Variants in OR52N5 observed in about 807,000 individuals in gnomAD.
OR52N5 encodes the protein olfactory receptor family 52 subfamily N member 5.
Under a neutral mutation model 14.1 loss-of-function variants are expected in OR52N5, and 10 were observed. That is an observed-to-expected ratio of 0.71 (90% CI 0.44 to 1.20). The LOEUF is 1.20. OR52N5 is among the 50% of genes most tolerant of loss of function. The pLI is 0.00. For synonymous variants in OR52N5, 116 were observed against 143.0 expected (o/e 0.81, Z 1.35); for missense variants, 361 against 403.2 (o/e 0.90, Z 0.90).
intron 2 of OR52N5, among the ~76,000 whole-genome samples, chr11:5,779,376 A>T (rs531586330): frequency 7.1e-6 from 1 of 140,142 alleles, no homozygotes; most frequent in Non-Finnish European, 1.6e-5. Flanking sequence ...ACTAATGACC[A>T]TAAATGTCAA....
At position 5,776,279 on chromosome 11, in the gene OR52N5, G is replaced by A. The variant is rs896989795; in HGVS notation, c.*1381C>T. ...ATGGGAAATGAAATAACTAACAAAT[G>A]AAGCATGAATGAATGAATCAGTGAA... On this transcript the variant is annotated 3_prime_UTR_variant, in exon 3 of 3. Transcript: ENST00000641181. 2.0e-4 allele frequency: 28 copies of A among 139,914 alleles called. 2 individuals are homozygous for A. Among genetic ancestry groups the A allele is most frequent in the African/African-American group, 7.1e-4 (27 of 38,294 alleles). The allele number at this position is 139,914 out of a possible 1,614,324, so 8.7% of individuals were successfully genotyped here. A position where few individuals can be genotyped will look rare whatever the true frequency, so the allele number is the denominator to read the frequency against.
rs570821589 is a variant in OR52N5 at position 5,777,498 on chromosome 11, T to A, written c.*162A>T. On this transcript the variant is annotated 3_prime_UTR_variant, in exon 3 of 3. Coordinates refer to ENST00000641181, the MANE Select transcript of OR52N5 (RefSeq NM_001385662.1). Reference sequence around the variant, plus strand: ...TAAGGGAAAGGCACTGAGATATACATCCAGAATGGGCTATAAATTTCCCCA... The same window carrying A: ...TAAGGGAAAGGCACTGAGATATACAACCAGAATGGGCTATAAATTTCCCCA... 2.7e-4 allele frequency: 137 copies of A among 509,142 alleles called. 14 individuals are homozygous for A. In the South Asian group the frequency reaches 5.1e-3, roughly 19 times the overall value. 31.5% of individuals were successfully genotyped at this position (509,142 alleles called of 1,614,324 possible). A position where few individuals can be genotyped will look rare whatever the true frequency, so the allele number is the denominator to read the frequency against.
In OR52N5 at chr11:5,778,031, T is replaced by C. The variant is rs1463159048; in HGVS notation, c.604A>G (p.Lys202Glu). ...SVVKLSCASI[K>E]VNVIYGLMVA... is the part of the protein sequence containing the mutation. ...ATTAGACCATAGATTACATTGACCT[T>C]GATGCTGGCACAAGATAGCTTTACT... Residue 202 changes from lysine to glutamate, a missense_variant, in exon 3 of 3, where the codon AAG (lysine) becomes GAG (glutamate). Lys to Glu is a moderately conservative substitution (Grantham distance 56). Transcript: ENST00000641181. The C allele has an allele frequency of 2.6e-6, 4 of 1,521,244 alleles. No individual in the cohort carries two copies. Among genetic ancestry groups the C allele is most frequent in the Non-Finnish European group, 3.6e-6 (4 of 1,114,298 alleles). 94.2% of individuals were successfully genotyped at this position (1,521,244 alleles called of 1,614,324 possible).
Position 5,777,326 on chromosome 11 carries a change from C to T in OR52N5, c.*334G>A, listed in dbSNP as rs1197430646. 1 of 150,824 alleles carries T rather than the reference C, an allele frequency of 6.6e-6. No homozygotes were observed. Among genetic ancestry groups the T allele is most frequent in the South Asian group, 2.3e-4 (1 of 4,432 alleles). The allele number at this position is 150,824 out of a possible 1,614,324, so 9.3% of individuals were successfully genotyped here. ...TAAAAAAACACCATTCTACTTTTTA[C>T]TTCTATGAATTGAACTAGTTTTAGC... is the stretch of plus-strand genomic sequence containing the variant. On this transcript the variant is annotated 3_prime_UTR_variant, in exon 3 of 3. Coordinates refer to ENST00000641181, the MANE Select transcript of OR52N5 (RefSeq NM_001385662.1).
Position 5,777,498 on chromosome 11 carries a change from T to C in OR52N5, c.*162A>G. 3.9e-6 allele frequency: 2 copies of C among 509,142 alleles called. No homozygotes were observed. Among genetic ancestry groups the C allele is most frequent in the Non-Finnish European group, 6.3e-6 (2 of 316,584 alleles). The allele number at this position is 509,142 out of a possible 1,614,324, so 31.5% of individuals were successfully genotyped here. A position where few individuals can be genotyped will look rare whatever the true frequency, so the allele number is the denominator to read the frequency against. ...TAAGGGAAAGGCACTGAGATATACA[T>C]CCAGAATGGGCTATAAATTTCCCCA... On this transcript the variant is annotated 3_prime_UTR_variant, in exon 3 of 3. Coordinates refer to ENST00000641181, the MANE Select transcript of OR52N5 (RefSeq NM_001385662.1).
rs185237396 is a variant in OR52N5 at position 5,778,223 on chromosome 11, G to T, written c.412C>A (p.Pro138Thr). The T allele has an allele frequency of 1.4e-5, 22 of 1,519,558 alleles. 4 individuals are homozygous for T. Among genetic ancestry groups the T allele is most frequent in the Admixed American group, 1.8e-5 (1 of 55,444 alleles). The allele number at this position is 1,519,558 out of a possible 1,614,324, so 94.1% of individuals were successfully genotyped here. The change falls in exon 3 of 3, where the codon CCT becomes ACT. Residue 138 changes from proline (P) to threonine (T), a missense_variant. Physicochemically the swap from Pro to Thr is conservative, Grantham distance 38. Coordinates refer to ENST00000641181, the MANE Select transcript of OR52N5 (RefSeq NM_001385662.1). ...ALDRYVAICY[P>T]LRYATTLTNP... ...GTGAGTGTGGTAGCATAACGCAAAG[G>T]GTAGCAAATGGCTACATAGCGGTCT...
At chr11:5,782,559 T>C (rs1479747491) in intron 1 of OR52N5, among the ~76,000 whole-genome samples, 1 of 140,274 alleles carries the variant, frequency 7.1e-6, no homozygotes, top group African/African-American at 2.6e-5. Context: ...TTTTGTGCTG[T>C]CTACACTAAA....
chr11:5,778,308 C>A lies in OR52N5; in HGVS notation c.327G>T (p.Gln109His). 2.6e-6 allele frequency: 4 copies of A among 1,520,910 alleles called. 1 individual carries two copies. The highest frequency in any genetic ancestry group is 3.6e-6 in the Non-Finnish European group (4 of 1,114,594). 94.2% of individuals were successfully genotyped at this position (1,520,910 alleles called of 1,614,324 possible). ...KEINFNACLA[Q>H]MFFVHGFTGV... is the part of the protein sequence containing the mutation. Reference sequence around the variant, plus strand: ...CTGTGAACCCATGAACAAAGAACATCTGGGCCAAGCAAGCATTGAAGTTAA... The same window carrying A: ...CTGTGAACCCATGAACAAAGAACATATGGGCCAAGCAAGCATTGAAGTTAA... The change falls in exon 3 of 3, where the codon CAG becomes CAT. Residue 109 changes from glutamine (Q) to histidine (H), a missense_variant. By Grantham distance (24) the Gln-to-His change is conservative. Coordinates refer to ENST00000641181, the MANE Select transcript of OR52N5 (RefSeq NM_001385662.1).
In OR52N5 at chr11:5,778,277, C is replaced by A. The variant is rs1341893088; in HGVS notation, c.358G>T (p.Glu120Ter). Reference sequence around the variant, plus strand: ...GCCATGAGCATGAGCACCCCAGACTCCACACCTGTGAACCCATGAACAAAG... The same window carrying A: ...GCCATGAGCATGAGCACCCCAGACTACACACCTGTGAACCCATGAACAAAG... Reference protein sequence around the residue: ...MFFVHGFTGVESGVLMLMALD... With the variant: ...MFFVHGFTGV The change falls in exon 3 of 3, where the codon GAG becomes TAG. Residue 120 changes from glutamate to a stop codon, truncating the protein, a stop_gained. Coordinates refer to ENST00000641181, the MANE Select transcript of OR52N5 (RefSeq NM_001385662.1). LOFTEE classifies it high-confidence loss of function. 5.9e-6 allele frequency: 9 copies of A among 1,521,150 alleles called. 3 individuals carry two copies. The highest frequency in any genetic ancestry group is 8.1e-6 in the Non-Finnish European group (9 of 1,114,884). The allele number at this position is 1,521,150 out of a possible 1,614,324, so 94.2% of individuals were successfully genotyped here.
rs1854498340 is a variant in OR52N5, at chr11:5,776,932, G to A, written c.*728C>T. On this transcript the variant is annotated 3_prime_UTR_variant, in exon 3 of 3. Transcript: ENST00000641181. The stretch of plus-strand genomic sequence containing the variant: ...ATTTATATGTGGGAGCTAAAAAGGT[G>A]GATCTCAAGGAGATAGAGAGTAGAC... The A allele has an allele frequency of 7.2e-6, 1 of 139,322 alleles. No individual in the cohort carries two copies. Among genetic ancestry groups the A allele is most frequent in the Admixed American group, 7.5e-5 (1 of 13,412 alleles). The allele number at this position is 139,322 out of a possible 1,614,324, so 8.6% of individuals were successfully genotyped here.
chr11:5,777,560 G>T lies in OR52N5; in HGVS notation c.*100C>A. The T allele has an allele frequency of 1.1e-6, 1 of 923,686 alleles. No homozygotes were observed. The highest frequency in any genetic ancestry group is 1.5e-6 in the Non-Finnish European group (1 of 654,282). The allele number at this position is 923,686 out of a possible 1,614,324, so 57.2% of individuals were successfully genotyped here. A position where few individuals can be genotyped will look rare whatever the true frequency, so the allele number is the denominator to read the frequency against. On this transcript the variant is annotated 3_prime_UTR_variant, in exon 3 of 3. Transcript: ENST00000641181. ...GAAAACATAGACTGAGAGAGAAAAT[G>T]TATGATACTACACATGAATAAATGT...
Position 5,781,641 on chromosome 11 carries a change from T to C in OR52N5, c.-132A>G, listed in dbSNP as rs1400317702. 1 of 140,426 alleles carries C rather than the reference T, an allele frequency of 7.1e-6. No individual in the cohort carries two copies. Among genetic ancestry groups the C allele is most frequent in the Non-Finnish European group, 1.6e-5 (1 of 63,458 alleles). The allele number at this position is 140,426 out of a possible 1,614,324, so 8.7% of individuals were successfully genotyped here. A position where few individuals can be genotyped will look rare whatever the true frequency, so the allele number is the denominator to read the frequency against. On this transcript the variant is annotated 5_prime_UTR_variant, in exon 2 of 3. Coordinates refer to ENST00000641181, the MANE Select transcript of OR52N5 (RefSeq NM_001385662.1). ...GATGTAGATGTCCACGCCTCCAGTA[T>C]CTGGTGAAGGGTGGAGTGATTGATC...
rs1854492667 is a variant in OR52N5 at position 5,776,197 on chromosome 11, AG to A, written c.*1462del. 2.8e-5 allele frequency: 4 copies of A among 140,576 alleles called. 1 individual carries two copies. 8.7% of individuals were successfully genotyped at this position (140,576 alleles called of 1,614,324 possible). On this transcript the variant is annotated 3_prime_UTR_variant, in exon 3 of 3. Transcript: ENST00000641181. ...TATAGTGTGTGTGACAACCAGGAAG[AG>A]GTAATGATAAGTTCTATTTTAAGAT... is the stretch of plus-strand genomic sequence containing the variant.
In OR52N5 at chr11:5,782,873, G is replaced by A. The variant is rs1425736582; in HGVS notation, c.-248+422C>T. On this transcript the variant is annotated intron_variant, in intron 1 of 2. Coordinates refer to ENST00000641181, the MANE Select transcript of OR52N5 (RefSeq NM_001385662.1). The stretch of plus-strand genomic sequence containing the variant: ...CTCCAAGTTGTATGACCCAACTTAA[G>A]AAAAGGGAGGGACTGGGAAAGGATG... Among the ~76,000 whole-genome samples the A allele has an allele frequency of 1.4e-5, 2 of 139,100 alleles. 1 individual carries two copies. The highest frequency in any genetic ancestry group is 3.2e-5 in the Non-Finnish European group (2 of 63,140). The allele number at this position is 139,100 out of a possible 152,430, so 91.3% of individuals were successfully genotyped here. A position where few individuals can be genotyped will look rare whatever the true frequency, so the allele number is the denominator to read the frequency against.
rs1414245280 is a variant in OR52N5 at position 5,776,424 on chromosome 11, T to C, written c.*1236A>G. ...ACGCAAGCCTTGAGGTAAATAAGAC[T>C]TGTCTGTCCATTCTAATATATACAT... On this transcript the variant is annotated 3_prime_UTR_variant, in exon 3 of 3. Coordinates refer to ENST00000641181, the MANE Select transcript of OR52N5 (RefSeq NM_001385662.1). 2.1e-5 allele frequency: 3 copies of C among 140,260 alleles called. 1 individual carries two copies. Among genetic ancestry groups the C allele is most frequent in the Non-Finnish European group, 3.2e-5 (2 of 63,338 alleles). 8.7% of individuals were successfully genotyped at this position (140,260 alleles called of 1,614,324 possible).
At chr11:5,781,351 G>A (rs1854547807) in intron 2 of OR52N5, among the ~76,000 whole-genome samples, 182 bp downstream of exon 2, 1 of 140,000 alleles carries the variant, frequency 7.1e-6, no homozygotes, top group South Asian at 2.3e-4. Flanking sequence ...TAAATAGTAA[G>A]AAAGTTGTGT....
At chr11:5,782,944 T>C (rs1358018589) in intron 1 of OR52N5, among the ~76,000 whole-genome samples, 2 of 139,102 alleles carry the variant, frequency 1.4e-5, no homozygotes, top group African/African-American at 5.3e-5. Flanking sequence ...TGTTTTTTCC[T>C]GATTTAAGAG....
At chr11:5,782,011 T>G (rs1423278730) in intron 1 of OR52N5, among the ~76,000 whole-genome samples, 1 of 140,280 alleles carries the variant, frequency 7.1e-6, no homozygotes, top group Non-Finnish European at 1.6e-5. Flanking sequence ...TGGAGAGGAA[T>G]GTCAGGATAA....
At chr11:5,779,343 T>A (rs11039011) in intron 2 of OR52N5, among the ~76,000 whole-genome samples, 124,818 of 137,916 alleles carry the variant, frequency 0.91, 58,682 homozygotes, top group Middle Eastern at 0.97. Context: ...AGGTATAGAT[T>A]CAAAATGGAT....
Sources: gnomAD v4.1 joint callset for allele counts (sites outside exome capture counted in the v4.1 genomes callset) on GRCh38, gnomAD v4.1.1 for gene constraint, MANE v1.5 for transcripts, NCBI Gene and HGNC (gene_info 2026-07-23, HGNC 2026-07-21) for gene names.